HEATR5A: variants seen among roughly 807,000 people sequenced by gnomAD.
HEATR5A encodes the protein HEAT repeat containing 5A, also known as HEAT repeat-containing protein 5A.
In HEATR5A, 178 loss-of-function variants were observed where a neutral mutation model predicts 218.8. That is an observed-to-expected ratio of 0.81 (90% CI 0.72 to 0.92). HEATR5A has a LOEUF of 0.92. Ranked by LOEUF, HEATR5A falls within the 40% of genes least tolerant of loss-of-function variation. The pLI is 0.00. For missense variants in HEATR5A, 2,420 were observed against 2,418.9 expected (o/e 1.00, Z -0.01); for synonymous variants, 864 against 871.6 (o/e 0.99, Z 0.15).
chr14:31,308,790 T>C lies in HEATR5A; in HGVS notation c.4690+144A>G, dbSNP rs1899638969. 3 of 627,322 alleles carry C rather than the reference T, an allele frequency of 4.8e-6. No homozygotes were observed. The South Asian group carries it at 8.1e-5, about 17-fold the overall frequency. 38.9% of individuals were successfully genotyped at this position (627,322 alleles called of 1,614,324 possible). On this transcript the variant is annotated intron_variant, in intron 29 of 35. Coordinates refer to ENST00000543095, the MANE Select transcript of HEATR5A (RefSeq NM_015473.4). ...AGCTTAAGTAATTTATTTATATTTT[T>C]ATTTTCAGTTGACAATAATTGTGAG...
intron 1 of HEATR5A, among the ~76,000 whole-genome samples, chr14:31,403,760 A>G (rs1256679535): frequency 1.3e-5 from 2 of 152,250 alleles, no homozygotes; most frequent in Non-Finnish European, 2.9e-5. Flanking sequence ...AACAGAAGAC[A>G]CAGGGTTTGT....
intron 18 of HEATR5A, among the ~76,000 whole-genome samples, chr14:31,349,535 G>A (rs1901142302): frequency 6.6e-6 from 1 of 152,116 alleles, no homozygotes; most frequent in Admixed American, 6.5e-5. Context: ...CCATCCCATT[G>A]ATGATCAATT....
intron 17 of HEATR5A, 111 bp downstream of exon 17, chr14:31,350,501 A>G: frequency 1.6e-6 from 1 of 640,702 alleles, no homozygotes; most frequent in Non-Finnish European, 2.7e-6. Context: ...GAGATTAAGA[A>G]AAATGAAGGA....
intron 31 of HEATR5A, 61 bp downstream of exon 31, chr14:31,306,667 TTAAA>T: frequency 2.1e-6 from 3 of 1,445,236 alleles, no homozygotes; most frequent in Admixed American, 4.5e-5. Flanking sequence ...TATAGATACA[TTAAA>T]TAATACTTTA....
At chr14:31,355,417 C>G (rs550824341) in intron 16 of HEATR5A, among the ~76,000 whole-genome samples, 19 of 151,524 alleles carry the variant, frequency 1.3e-4, no homozygotes, top group African/African-American at 4.4e-4. Flanking sequence ...TGTCTCAAAA[C>G]AAAACAAAAC....
At chr14:31,354,102 ATT>A (rs553004178) in intron 16 of HEATR5A, among the ~76,000 whole-genome samples, 36 of 145,652 alleles carry the variant, frequency 2.5e-4, no homozygotes, top group African/African-American at 8.2e-4. Context: ...CCTGGCCGGC[ATT>A]TTTTTTTTTT....
chr14:31,410,766 C>T (rs2031244321), intron 1 of HEATR5A, among the ~76,000 whole-genome samples: 1 of 152,094 alleles, frequency 6.6e-6, no homozygotes, highest in African/African-American at 2.4e-5. Flanking sequence ...TCTGAAATAT[C>T]TTGCTTCCTT....
intron 11 of HEATR5A, among the ~76,000 whole-genome samples, chr14:31,379,932 C>T (rs1023796957): frequency 3.3e-5 from 5 of 152,110 alleles, no homozygotes; most frequent in East Asian, 1.9e-4. Context: ...CACTCCAGCT[C>T]GTGTGACAGA....
rs979790266 is a variant in HEATR5A at position 31,358,795 on chromosome 14, A to G, written c.2253T>C (p.Gly751=). 2 of 1,613,470 alleles carry G rather than the reference A, an allele frequency of 1.2e-6. No individual in the cohort carries two copies. The highest frequency in any genetic ancestry group is 1.6e-4 in the Middle Eastern group (1 of 6,080). The change falls in exon 16 of 36, where the codon GGT becomes GGC. Residue 751 remains glycine, a synonymous_variant. Transcript: ENST00000543095. Reference sequence around the variant, plus strand: ...CATATTCAAGACTTCCGCAAGCAACACCATTACCAAGCAGGAGCTAAAAGG... The same window carrying G: ...CATATTCAAGACTTCCGCAAGCAACGCCATTACCAAGCAGGAGCTAAAAGG... ...FIEEQLLLGN[G]VACGSLEYDP...
intron 16 of HEATR5A, among the ~76,000 whole-genome samples, chr14:31,351,225 A>T (rs1292927854): frequency 6.6e-6 from 1 of 152,208 alleles, no homozygotes; most frequent in East Asian, 1.9e-4. Context: ...AACTCCACAA[A>T]TATTATATGT....
At chr14:31,311,483 C>T (rs903085077) in intron 28 of HEATR5A, among the ~76,000 whole-genome samples, 2 of 151,848 alleles carry the variant, frequency 1.3e-5, no homozygotes, top group African/African-American at 4.8e-5. Flanking sequence ...ACGATGATAG[C>T]TGCCTGCAGC....
intron 21 of HEATR5A, 80 bp from the exon 22 acceptor site, chr14:31,337,694 C>G (rs995437417): frequency 2.4e-6 from 3 of 1,243,712 alleles, no homozygotes; most frequent in Non-Finnish European, 3.4e-6. Flanking sequence ...TCACTGGACC[C>G]CTTCCTGATT....
chr14:31,393,585 T>C (rs776606866), intron 6 of HEATR5A, among the ~76,000 whole-genome samples: 1 of 152,202 alleles, frequency 6.6e-6, no homozygotes, highest in Non-Finnish European at 1.5e-5. Context: ...TCTTGTAAAT[T>C]TTCCTCAAAT....
intron 22 of HEATR5A, among the ~76,000 whole-genome samples, chr14:31,329,699 G>A (rs762852788): frequency 2.0e-4 from 30 of 152,078 alleles, no homozygotes; most frequent in Non-Finnish European, 5.9e-5. Context: ...CCACTCTGGG[G>A]TCTAGAGACC....
Position 31,347,790 on chromosome 14 carries a change from GATTCCAATACAAGA to G in HEATR5A, c.2812_2825del (p.Ser938ProfsTer12), listed in dbSNP as rs1901071152. Reference sequence around the variant, plus strand: ...TGCTGTCCTGCGCCAAAGTATAAAGGATTCCAATACAAGAATTTAGGTGTTGAGAAGAACTTATT... The same window carrying G: ...TGCTGTCCTGCGCCAAAGTATAAAGGATTTAGGTGTTGAGAAGAACTTATT... On this transcript the variant is annotated frameshift_variant, in exon 19 of 36. Coordinates refer to ENST00000543095, the MANE Select transcript of HEATR5A (RefSeq NM_015473.4). LOFTEE classifies it high-confidence loss of function. 6.2e-7 allele frequency: 1 copy of G among 1,611,820 alleles called. No homozygotes were observed. The highest frequency in any genetic ancestry group is 1.7e-5 in the Admixed American group (1 of 59,710).
At chr14:31,337,400 A>G in intron 22 of HEATR5A, 76 bp downstream of exon 22, 3 of 1,250,256 alleles carry the variant, frequency 2.4e-6, no homozygotes, top group Non-Finnish European at 3.3e-6. Flanking sequence ...AACTGTTTCA[A>G]AACTCATGTA....
intron 31 of HEATR5A, 76 bp downstream of exon 31, chr14:31,306,656 A>G: frequency 7.2e-7 from 1 of 1,385,672 alleles, no homozygotes; most frequent in East Asian, 2.5e-5. Context: ...TATCAAAACT[A>G]TATAGATACA....
intron 4 of HEATR5A, among the ~76,000 whole-genome samples, chr14:31,396,485 A>C (rs562616818): frequency 4.6e-5 from 7 of 152,296 alleles, no homozygotes; most frequent in Non-Finnish European, 8.8e-5. Context: ...TATTTTATTA[A>C]TGTTTTACTA....
intron 25 of HEATR5A, 70 bp from the exon 26 acceptor site, chr14:31,318,362 G>A: frequency 8.2e-7 from 1 of 1,224,546 alleles, no homozygotes; most frequent in Non-Finnish European, 1.2e-6. Flanking sequence ...TCTTTTTAAT[G>A]TTATTTTAAA....
Sources: gnomAD v4.1 joint callset for allele counts (sites outside exome capture counted in the v4.1 genomes callset) on GRCh38, gnomAD v4.1.1 for gene constraint, MANE v1.5 for transcripts, NCBI Gene and HGNC (gene_info 2026-07-23, HGNC 2026-07-21) for gene names.